The following CRTAC1 variants were observed in gnomAD, a reference collection of about 807,000 sequenced individuals.
The protein encoded by CRTAC1 is cartilage acidic protein 1.
A neutral mutation model predicts 67.8 loss-of-function variants in CRTAC1; 37 were observed. The ratio of observed to expected loss-of-function variants is 0.55; its 90% CI spans 0.42 to 0.72. The LOEUF (loss-of-function observed/expected upper bound fraction) is 0.72, where lower values mean the gene tolerates loss of function less well. Ranked by LOEUF, CRTAC1 falls within the 30% of genes least tolerant of loss-of-function variation. The pLI is 0.00. For missense variants in CRTAC1, 780 were observed against 931.6 expected (o/e 0.84, Z 2.12); for synonymous variants, 348 against 371.0 (o/e 0.94, Z 0.71).
In CRTAC1 at chr10:97,990,824, T is replaced by C. The variant is rs576985465; in HGVS notation, c.224+20314A>G. ...ATAATAGGGAAAATAAACTTTCTCCTAGGTGAGACATTGATTCATAGGAAA... is the reference window on the plus strand; with the variant it reads ...ATAATAGGGAAAATAAACTTTCTCCCAGGTGAGACATTGATTCATAGGAAA... On this transcript the variant is annotated intron_variant, in intron 2 of 14. Transcript: ENST00000370597. Among the ~76,000 whole-genome samples the C allele has an allele frequency of 4.6e-5, 7 of 152,286 alleles. 1 individual carries two copies. The South Asian group carries it at 1.2e-3, about 27-fold the overall frequency.
chr10:97,938,732 T>C (rs1309781206), intron 2 of CRTAC1, among the ~76,000 whole-genome samples: 1 of 152,210 alleles, frequency 6.6e-6, no homozygotes, highest in Admixed American at 6.5e-5. Flanking sequence ...TACAAAGCAC[T>C]TTCTCATCCT....
chr10:97,865,862 A>G (rs988499431), intron 14 of CRTAC1, 148 bp from the exon 15 acceptor site: 3 of 1,202,896 alleles, frequency 2.5e-6, no homozygotes, highest in African/African-American at 1.5e-5. Context: ...CCTGTGGGCC[A>G]TCAACCTATG....
chr10:97,957,005 A>G (rs1475573969), intron 2 of CRTAC1, among the ~76,000 whole-genome samples: 2 of 149,554 alleles, frequency 1.3e-5, no homozygotes, highest in Non-Finnish European at 3.0e-5. Context: ...TGGCAGAGAT[A>G]TGGTCTCACT....
At chr10:98,013,112 T>C (rs544572862) in intron 1 of CRTAC1, among the ~76,000 whole-genome samples, 2 of 152,170 alleles carry the variant, frequency 1.3e-5, no homozygotes, top group African/African-American at 2.4e-5. Context: ...CTGAAGGTCA[T>C]TGGACTTTTC....
intron 14 of CRTAC1, chr10:97,878,799 C>T: frequency 3.0e-6 from 3 of 996,978 alleles, no homozygotes; most frequent in East Asian, 1.2e-4. Context: ...CTCTTGTCAT[C>T]TACATTAGGG....
chr10:97,919,407 G>C (rs1454990568), intron 4 of CRTAC1, among the ~76,000 whole-genome samples: 1 of 152,170 alleles, frequency 6.6e-6, no homozygotes, highest in Non-Finnish European at 1.5e-5. Context: ...GAAAGAGGAG[G>C]ATGTATGTAG....
intron 6 of CRTAC1, among the ~76,000 whole-genome samples, chr10:97,907,120 G>A (rs1417004): frequency 0.64 from 97,131 of 152,114 alleles, 32,731 homozygotes; most frequent in East Asian, 0.83. Context: ...AGAATTTACC[G>A]GTGGGCACTG....
chr10:97,939,713 CCT>C (rs373722792), intron 2 of CRTAC1, among the ~76,000 whole-genome samples: 15 of 152,108 alleles, frequency 9.9e-5, no homozygotes, highest in African/African-American at 3.1e-4. Context: ...CTCACCATCC[CCT>C]GAGTGTGCTC....
At chr10:97,913,314 G>A (rs1363549069) in intron 5 of CRTAC1, among the ~76,000 whole-genome samples, 1 of 152,144 alleles carries the variant, frequency 6.6e-6, no homozygotes, top group Non-Finnish European at 1.5e-5. Flanking sequence ...ACTTGACTGT[G>A]TGGCGGGTAT....
intron 5 of CRTAC1, among the ~76,000 whole-genome samples, chr10:97,912,575 T>C (rs989337272): frequency 6.6e-6 from 1 of 150,580 alleles, no homozygotes; most frequent in Non-Finnish European, 1.5e-5. Context: ...TCTCTCAGAC[T>C]GCATCTGGGC....
intron 5 of CRTAC1, among the ~76,000 whole-genome samples, chr10:97,909,158 C>G (rs932429448): frequency 6.6e-6 from 1 of 152,144 alleles, no homozygotes; most frequent in Non-Finnish European, 1.5e-5. Flanking sequence ...CAAATCTGAG[C>G]TATCCACGTC....
intron 14 of CRTAC1, chr10:97,878,608 A>T (rs755555585): frequency 2.3e-6 from 3 of 1,303,410 alleles, no homozygotes; most frequent in South Asian, 2.5e-5. Flanking sequence ...CTGTGGCGTT[A>T]CATCATTTCC....
At chr10:98,022,772 T>G (rs1462162449) in intron 1 of CRTAC1, among the ~76,000 whole-genome samples, 1 of 152,042 alleles carries the variant, frequency 6.6e-6, no homozygotes, top group East Asian at 1.9e-4. Flanking sequence ...GGATCAGACT[T>G]GCATTTTTGA....
At chr10:97,892,033 C>T (rs2050382218) in intron 11 of CRTAC1, among the ~76,000 whole-genome samples, 1 of 152,180 alleles carries the variant, frequency 6.6e-6, no homozygotes, top group Admixed American at 6.5e-5. Flanking sequence ...GAACAAATCC[C>T]AGGGCCTTGC....
At position 97,895,200 on chromosome 10, in the gene CRTAC1, G is replaced by C. The variant is rs1378848608; in HGVS notation, c.1486+45C>G. ...GGGCTGTGAGTCCCTGAATCAGTCAGCATCCTGATAACAGCTCACTGTCCC... is the reference window on the plus strand; with the variant it reads ...GGGCTGTGAGTCCCTGAATCAGTCACCATCCTGATAACAGCTCACTGTCCC... On this transcript the variant is annotated intron_variant, in intron 11 of 14. Transcript: ENST00000370597. The surrounding 1 kb of genome is among the most constrained non-coding windows in gnomAD (Gnocchi z 4.2). 1.7e-5 allele frequency: 27 copies of C among 1,582,996 alleles called. No homozygotes were observed. Among genetic ancestry groups the C allele is most frequent in the Non-Finnish European group, 2.2e-5 (26 of 1,166,360 alleles).
intron 11 of CRTAC1, among the ~76,000 whole-genome samples, chr10:97,891,000 T>C (rs1022936472): frequency 4.6e-5 from 7 of 152,218 alleles, no homozygotes; most frequent in African/African-American, 1.7e-4. Context: ...TTATATCTTC[T>C]AACATTTTAT....
rs2050448771 is a variant in CRTAC1 at position 97,895,781 on chromosome 10, C to T, written c.1317+104G>A. On this transcript the variant is annotated intron_variant, in intron 10 of 14. Coordinates refer to ENST00000370597, the MANE Select transcript of CRTAC1 (RefSeq NM_018058.7). This position sits in a 1 kb window ranked among gnomAD's most constrained non-coding sequence, Gnocchi z 4.2. ...TCCAGGGCCCGGGACTTCCATTACC[C>T]ACCATGCTGGCCAAGCCAGCACCCC... 1.1e-6 allele frequency: 1 copy of T among 920,118 alleles called. No homozygotes were observed. The highest frequency in any genetic ancestry group is 1.6e-5 in the South Asian group (1 of 62,898). 57.0% of individuals were successfully genotyped at this position (920,118 alleles called of 1,614,324 possible). A position where few individuals can be genotyped will look rare whatever the true frequency, so the allele number is the denominator to read the frequency against.
At chr10:98,020,514 T>G (rs1843094813) in intron 1 of CRTAC1, among the ~76,000 whole-genome samples, 1 of 152,230 alleles carries the variant, frequency 6.6e-6, no homozygotes, top group African/African-American at 2.4e-5. Context: ...TCTAAGCAAA[T>G]GAGCTCCAGA....
At chr10:98,020,724 G>C (rs1267778113) in intron 1 of CRTAC1, among the ~76,000 whole-genome samples, 2 of 152,252 alleles carry the variant, frequency 1.3e-5, no homozygotes, top group Non-Finnish European at 2.9e-5. Flanking sequence ...GAGATGTGCA[G>C]GTTTGTGTAG....
Sources: allele counts gnomAD v4.1 joint callset (sites outside exome capture counted in the v4.1 genomes callset), GRCh38; gene constraint gnomAD v4.1.1; non-coding constraint Gnocchi (gnomAD v3.1); transcripts MANE v1.5; gene names NCBI Gene and HGNC (gene_info 2026-07-23, HGNC 2026-07-21).